INTS2: variants seen among roughly 807,000 people sequenced by gnomAD.
The protein encoded by INTS2 is KIAA1287.
Under a neutral mutation model 139.6 loss-of-function variants are expected in INTS2, and 57 were observed. The observed-to-expected ratio is 0.41, with a 90% CI of 0.33 to 0.51. INTS2 has a LOEUF of 0.51. INTS2 is among the 20% of genes least tolerant of loss of function. The pLI is 0.28. For missense variants in INTS2, 1,196 were observed against 1,436.7 expected (o/e 0.83, Z 2.71); for synonymous variants, 473 against 493.4 (o/e 0.96, Z 0.55).
At chr17:61,900,457 TAGG>T (rs1194918491) in intron 9 of INTS2, among the ~76,000 whole-genome samples, 1 of 152,164 alleles carries the variant, frequency 6.6e-6, no homozygotes, top group Non-Finnish European at 1.5e-5. Flanking sequence ...ATTCTGAAAG[TAGG>T]AGAATTAAGT....
At chr17:61,918,245 G>A (rs1390499708) in intron 5 of INTS2, among the ~76,000 whole-genome samples, 1 of 152,006 alleles carries the variant, frequency 6.6e-6, no homozygotes, top group East Asian at 1.9e-4. Context: ...AAGTATTTTG[G>A]TTTGTTTGTT....
chr17:61,870,559 G>A lies in INTS2; in HGVS notation c.2779-571C>T, dbSNP rs1163628955. Reference sequence around the variant, plus strand: ...TCATTGCACAGAGCAGTAGCTTGAGGGGTAATGGCAATATATTTGAGGCCC... The same window carrying A: ...TCATTGCACAGAGCAGTAGCTTGAGAGGTAATGGCAATATATTTGAGGCCC... On this transcript the variant is annotated intron_variant, in intron 20 of 24. Coordinates refer to ENST00000251334, the MANE Select transcript of INTS2 (RefSeq NM_001351695.2). The surrounding 1 kb of genome is among the most constrained non-coding windows in gnomAD (Gnocchi z 4.4). Among the ~76,000 whole-genome samples, 2 of 152,054 alleles carry A rather than the reference G, an allele frequency of 1.3e-5. No individual in the cohort carries two copies. Among genetic ancestry groups the A allele is most frequent in the African/African-American group, 4.8e-5 (2 of 41,410 alleles).
At position 61,924,957 on chromosome 17, in the gene INTS2, G is replaced by A. The variant is rs1282497455; in HGVS notation, c.432+4C>T. Reference sequence around the variant, plus strand: ...ACTTTGAGCTGTGGTTAAAAGAAATGCACCTTGTTCATAATTGCCAACAGT... The same window carrying A: ...ACTTTGAGCTGTGGTTAAAAGAAATACACCTTGTTCATAATTGCCAACAGT... On this transcript the variant is annotated splice_donor_region_variant and intron_variant, in intron 3 of 24. Coordinates refer to ENST00000251334, the MANE Select transcript of INTS2 (RefSeq NM_001351695.2). 3.1e-6 allele frequency: 5 copies of A among 1,610,732 alleles called. No individual in the cohort carries two copies. Among genetic ancestry groups the A allele is most frequent in the Non-Finnish European group, 4.2e-6 (5 of 1,178,380 alleles).
In INTS2 at chr17:61,926,632, T is replaced by C. The variant is rs1364427189; in HGVS notation, c.13A>G (p.Thr5Ala). The change falls in exon 2 of 25, where the codon ACA becomes GCA. Residue 5 changes from threonine (T) to alanine (A), a missense_variant. Around this residue, in one of 3 missense-constraint regions of INTS2, gnomAD observed 36 missense variants for 30.1 expected, o/e 1.19. Transcript: ENST00000251334. ...AAAGGGCTGACAAACTGAAGACTTG[T>C]ACATTCAGTCATTATTACTGTTTGT... is the stretch of plus-strand genomic sequence containing the variant. MTEC[T>A]SLQFVSPFAF... is the part of the protein sequence containing the mutation. 1.9e-6 allele frequency: 3 copies of C among 1,609,004 alleles called. No individual in the cohort carries two copies. The highest frequency in any genetic ancestry group is 1.3e-5 in the African/African-American group (1 of 74,864).
intron 7 of INTS2, among the ~76,000 whole-genome samples, chr17:61,908,661 C>T (rs963358765): frequency 2.7e-4 from 41 of 152,074 alleles, no homozygotes; most frequent in Admixed American, 2.6e-3. Context: ...GATAGACCTG[C>T]TTTAATAATA....
rs2079459401 is a variant in INTS2 at position 61,906,050 on chromosome 17, T to C, written c.1181+1358A>G. On this transcript the variant is annotated intron_variant, in intron 8 of 24. Coordinates refer to ENST00000251334, the MANE Select transcript of INTS2 (RefSeq NM_001351695.2). ...CTCTTCCAATTATCTGTTTTTGGAA[T>C]ATAATGTTCCAAAAACTGTTTCCAT... is the stretch of plus-strand genomic sequence containing the variant. 1.3e-5 allele frequency among the ~76,000 whole-genome samples: 2 copies of C among 152,292 alleles called. 1 individual carries two copies. Among genetic ancestry groups the C allele is most frequent in the South Asian group, 4.1e-4 (2 of 4,820 alleles).
rs1412270093 is a variant in INTS2 at position 61,909,818 on chromosome 17, T to A, written c.954+1702A>T. ...ACATATATACGTGTGTGTGTACATG[T>A]GTGTATGTGTGTGTGTGTGTGTGTG... On this transcript the variant is annotated intron_variant, in intron 7 of 24. Transcript: ENST00000251334. The surrounding 1 kb of genome is among the most constrained non-coding windows in gnomAD (Gnocchi z 4.9). Among the ~76,000 whole-genome samples, 1 of 74,392 alleles carries A rather than the reference T, an allele frequency of 1.3e-5. No homozygotes were observed. Among genetic ancestry groups the A allele is most frequent in the Non-Finnish European group, 2.5e-5 (1 of 39,448 alleles). 48.8% of individuals were successfully genotyped at this position (74,392 alleles called of 152,430 possible). A position where few individuals can be genotyped will look rare whatever the true frequency, so the allele number is the denominator to read the frequency against.
chr17:61,884,983 T>C lies in INTS2; in HGVS notation c.2007A>G (p.Lys669=). The change falls in exon 16 of 25, where the codon AAA becomes AAG. Residue 669 remains lysine, a synonymous_variant. Coordinates refer to ENST00000251334, the MANE Select transcript of INTS2 (RefSeq NM_001351695.2). ...KTLAAMQRKP[K]SYSSSLMDQI... is the part of the protein sequence containing the mutation. ...GATCCATTAAAGAAGAAGAATATGA[T>C]TTGGGCTTTCTTTGCATGGCAGCTA... 1 of 1,601,564 alleles carries C rather than the reference T, an allele frequency of 6.2e-7. No individual in the cohort carries two copies. Among genetic ancestry groups the C allele is most frequent in the Non-Finnish European group, 8.5e-7 (1 of 1,172,934 alleles).
At chr17:61,881,207 T>C (rs1210334471) in intron 16 of INTS2, 36 bp from the exon 17 acceptor site, 2 of 1,553,932 alleles carry the variant, frequency 1.3e-6, no homozygotes, top group South Asian at 1.2e-5. Context: ...GGATTCTTCA[T>C]GCTCAAACAC....
chr17:61,880,806 A>C, intron 17 of INTS2, among the ~76,000 whole-genome samples: 1 of 135,622 alleles, frequency 7.4e-6, no homozygotes, highest in Non-Finnish European at 1.6e-5. Context: ...GTAAAAGGGG[A>C]AAGGGGGAAA....
At chr17:61,888,780 T>G (rs544383828) in intron 15 of INTS2, among the ~76,000 whole-genome samples, 1 of 152,164 alleles carries the variant, frequency 6.6e-6, no homozygotes, top group South Asian at 2.1e-4. Flanking sequence ...ATCCCAGCAC[T>G]TTGGGAGGCC....
rs1176517413 is a variant in INTS2 at position 61,921,681 on chromosome 17, C to T, written c.535+44G>A. 4 of 969,630 alleles carry T rather than the reference C, an allele frequency of 4.1e-6. No individual in the cohort carries two copies. In the South Asian group the frequency reaches 5.6e-5, roughly 14 times the overall value. 60.1% of individuals were successfully genotyped at this position (969,630 alleles called of 1,614,324 possible). ...TAAGAAGTTACACAGTATCATTTAA[C>T]AAGAAACTATATATGAAATCCATCT... is the stretch of plus-strand genomic sequence containing the variant. On this transcript the variant is annotated intron_variant, in intron 4 of 24. Coordinates refer to ENST00000251334, the MANE Select transcript of INTS2 (RefSeq NM_001351695.2).
chr17:61,927,814 C>T lies in INTS2; in HGVS notation c.-179G>A. ...CGAGTCGACTCGGACACCAAGAACT[C>T]AGACGCCGGGACCAACCGGGTTGTC... is the stretch of plus-strand genomic sequence containing the variant. On this transcript the variant is annotated 5_prime_UTR_variant, in exon 1 of 25. An upstream open reading frame in the 5' UTR loses its in-frame stop. Transcript: ENST00000251334. 6.2e-7 allele frequency: 1 copy of T among 1,610,040 alleles called. No individual in the cohort carries two copies. The highest frequency in any genetic ancestry group is 8.5e-7 in the Non-Finnish European group (1 of 1,177,660).
In INTS2 at chr17:61,887,871, G is replaced by A. The variant is rs1377887429; in HGVS notation, c.1984+1915C>T. ...AGTTCGAGACCAGCCTGGCCAGTAT[G>A]ATGAAACTCCATCTCTACTACAAAT... On this transcript the variant is annotated intron_variant, in intron 15 of 24. Coordinates refer to ENST00000251334, the MANE Select transcript of INTS2 (RefSeq NM_001351695.2). 3.9e-5 allele frequency among the ~76,000 whole-genome samples: 6 copies of A among 152,064 alleles called. No individual in the cohort carries two copies. The East Asian group carries it at 1.2e-3, about 29-fold the overall frequency.
chr17:61,907,970 G>A (rs548997599), intron 7 of INTS2, among the ~76,000 whole-genome samples: 70 of 152,294 alleles, frequency 4.6e-4, no homozygotes, highest in African/African-American at 1.3e-3. Context: ...TTTTGAAGAC[G>A]TAAGTTCTTG....
intron 5 of INTS2, among the ~76,000 whole-genome samples, chr17:61,919,007 C>A (rs966449385): frequency 2.6e-5 from 4 of 151,398 alleles, no homozygotes; most frequent in African/African-American, 9.7e-5. Context: ...TCACTGCAAC[C>A]TCCACCTCCC....
intron 15 of INTS2, 74 bp downstream of exon 15, chr17:61,889,710 AAC>A: frequency 1.4e-6 from 1 of 699,130 alleles, no homozygotes; most frequent in South Asian, 1.7e-5. Flanking sequence ...CTTATCAAAG[AAC>A]AGTTTGGAAA....
rs2079527164 is a variant in INTS2, at chr17:61,911,628, A to G, written c.846T>C (p.Ala282=). 5 of 1,613,914 alleles carry G rather than the reference A, an allele frequency of 3.1e-6. No homozygotes were observed. Among genetic ancestry groups the G allele is most frequent in the Non-Finnish European group, 4.2e-6 (5 of 1,179,848 alleles). The change falls in exon 7 of 25, where the codon GCT becomes GCC. Residue 282 remains alanine (A), a synonymous_variant. Transcript: ENST00000251334. ...ALTLDHTKNE[A]CEDGVSDLVC... ...CCAAGTCACTCACTCCATCCTCACA[A>G]GCTTCATTTTTAGTATGATCCAATG... is the stretch of plus-strand genomic sequence containing the variant.
rs532117337 is a variant in INTS2, at chr17:61,923,455, C to T, written c.432+1506G>A. ...TTGTGCCACTGCACTCCAGCCTGGG[C>T]GACAGAGTGAGACTCTGTCTCCAAA... On this transcript the variant is annotated intron_variant, in intron 3 of 24. Transcript: ENST00000251334. Among the ~76,000 whole-genome samples, 490 of 116,848 alleles carry T rather than the reference C, an allele frequency of 4.2e-3. 5 individuals carry two copies. The highest frequency in any genetic ancestry group is 4.7e-3 in the Admixed American group (40 of 8,440). The allele number at this position is 116,848 out of a possible 152,430, so 76.7% of individuals were successfully genotyped here.
Sources: allele counts gnomAD v4.1 joint callset (sites outside exome capture counted in the v4.1 genomes callset), GRCh38; gene constraint gnomAD v4.1.1; regional missense constraint gnomAD v4.1.1; non-coding constraint Gnocchi (gnomAD v3.1); transcripts MANE v1.5; gene names NCBI Gene and HGNC (gene_info 2026-07-23, HGNC 2026-07-21).